The following OTUD4 variants were observed in gnomAD, a reference collection of about 807,000 sequenced individuals.
OTUD4 encodes OTU deubiquitinase 4.
In OTUD4, 24 loss-of-function variants were observed where a neutral mutation model predicts 130.4. The observed-to-expected ratio is 0.18, with a 90% CI of 0.13 to 0.26. The LOEUF is 0.26. Among genes scored for constraint, OTUD4 ranks in the 10% least tolerant of loss-of-function variants. The pLI is 1.00. For missense variants in OTUD4, 1,031 were observed against 1,329.4 expected (o/e 0.78, Z 3.49); for synonymous variants, 420 against 472.5 (o/e 0.89, Z 1.44).
intron 20 of OTUD4, among the ~76,000 whole-genome samples, chr4:145,139,425 A>G (rs919127009): frequency 6.6e-6 from 1 of 152,196 alleles, no homozygotes; most frequent in African/African-American, 2.4e-5. Context: ...AAGAAAAGCT[A>G]TTTCTAGGTT....
chr4:145,146,103 A>G (rs1296717160), intron 14 of OTUD4, 164 bp downstream of exon 14: 2 of 431,236 alleles, frequency 4.6e-6, no homozygotes, highest in Non-Finnish European at 7.9e-6. Flanking sequence ...AGATATTACT[A>G]AATATGTGAA....
intron 13 of OTUD4, among the ~76,000 whole-genome samples, chr4:145,147,116 T>C (rs1326108999): frequency 6.6e-6 from 1 of 152,172 alleles, no homozygotes; most frequent in East Asian, 1.9e-4. Context: ...TCAAAAGCAG[T>C]ATGAATACTA....
At chr4:145,142,165 G>C (rs1203628085) in intron 18 of OTUD4, 31 bp downstream of exon 18, 1 of 1,598,118 alleles carries the variant, frequency 6.3e-7, no homozygotes. Flanking sequence ...AGGTATTTTG[G>C]CTGGCTAGAT....
chr4:145,135,982 A>G lies in OTUD4; in HGVS notation c.*1448T>C, dbSNP rs919608526. The G allele has an allele frequency of 7.2e-5, 11 of 151,930 alleles. No homozygotes were observed. Among genetic ancestry groups the G allele is most frequent in the African/African-American group, 2.7e-4 (11 of 41,384 alleles). The allele number at this position is 151,930 out of a possible 1,614,324, so 9.4% of individuals were successfully genotyped here. ...TCTTAAGTAATTTGCTTTACAAAAA[A>G]AGAAAGTCACCGCATCTGGTTTTGG... On this transcript the variant is annotated 3_prime_UTR_variant, in exon 21 of 21. Coordinates refer to ENST00000447906, the MANE Select transcript of OTUD4 (RefSeq NM_001366057.1).
intron 10 of OTUD4, among the ~76,000 whole-genome samples, chr4:145,154,086 A>T (rs2126767315): frequency 6.6e-6 from 1 of 152,364 alleles, no homozygotes; most frequent in South Asian, 2.1e-4. Context: ...CCTCAAAGGA[A>T]ATATGCTTGA....
intron 13 of OTUD4, among the ~76,000 whole-genome samples, chr4:145,147,412 T>C (rs559018286): frequency 1.3e-5 from 2 of 152,240 alleles, no homozygotes; most frequent in Admixed American, 6.5e-5. Flanking sequence ...GACCAATCCT[T>C]CCCAAATCCC....
chr4:145,173,954 T>A (rs2126808761), intron 2 of OTUD4, among the ~76,000 whole-genome samples: 1 of 152,150 alleles, frequency 6.6e-6, no homozygotes, highest in East Asian at 1.9e-4. Flanking sequence ...CTGATAAAAT[T>A]AAGGGTTCAG....
intron 3 of OTUD4, among the ~76,000 whole-genome samples, chr4:145,170,473 C>A (rs1436992664): frequency 6.6e-6 from 1 of 152,240 alleles, no homozygotes; most frequent in Non-Finnish European, 1.5e-5. Context: ...TCAAATACAA[C>A]TCACTCTCCA....
In OTUD4 at chr4:145,179,899, C is replaced by T. The variant is rs756174811; in HGVS notation, c.75G>A (p.Met25Ile). Residue 25 changes from methionine to isoleucine, a missense_variant, in exon 1 of 21, where the codon ATG becomes ATA. Met to Ile is a conservative substitution (Grantham distance 10). Around this residue, in one of 3 missense-constraint regions of OTUD4, gnomAD observed 54 missense variants for 60.6 expected, o/e 0.89. Coordinates refer to ENST00000447906, the MANE Select transcript of OTUD4 (RefSeq NM_001366057.1). Reference sequence around the variant, plus strand: ...AGCCCAGTTTCCGCAGATAGGCGTCCATGGGCGTCGCGTCCTCGCGGGGCC... The same window carrying T: ...AGCCCAGTTTCCGCAGATAGGCGTCTATGGGCGTCGCGTCCTCGCGGGGCC... Reference protein sequence around the residue: ...GAGPREDATPMDAYLRKLGLY... With the variant: ...GAGPREDATPIDAYLRKLGLY... 2.0e-6 allele frequency: 3 copies of T among 1,529,310 alleles called. No homozygotes were observed. In the South Asian group the frequency reaches 3.6e-5, roughly 18 times the overall value. The allele number at this position is 1,529,310 out of a possible 1,614,324, so 94.7% of individuals were successfully genotyped here. A position where few individuals can be genotyped will look rare whatever the true frequency, so the allele number is the denominator to read the frequency against.
chr4:145,152,550 A>C lies in OTUD4; in HGVS notation c.959T>G (p.Leu320Arg), dbSNP rs1201344838. 3 of 1,584,836 alleles carry C rather than the reference A, an allele frequency of 1.9e-6. No homozygotes were observed. In the East Asian group the frequency reaches 6.7e-5, roughly 35 times the overall value. The change falls in exon 11 of 21, where the codon CTG becomes CGG. Residue 320 changes from leucine (L) to arginine (R), a missense_variant. Leu to Arg is a moderately radical substitution (Grantham distance 102). Coordinates refer to ENST00000447906, the MANE Select transcript of OTUD4 (RefSeq NM_001366057.1). ...SENGPVLVEE[L>R]GKKHTSKNLK... ...GAAGAGTAGTACATACTTCTTTCCC[A>C]GTTCTTCAACCAAAACTGGTCCATT...
Position 145,150,475 on chromosome 4 carries a change from C to G in OTUD4, c.1259+38G>C, listed in dbSNP as rs774950635. 6 of 1,440,664 alleles carry G rather than the reference C, an allele frequency of 4.2e-6. No individual in the cohort carries two copies. In the East Asian group the frequency reaches 1.4e-4, roughly 33 times the overall value. 89.2% of individuals were successfully genotyped at this position (1,440,664 alleles called of 1,614,324 possible). A position where few individuals can be genotyped will look rare whatever the true frequency, so the allele number is the denominator to read the frequency against. ...TGGCAAATATAACAAATGCCTCTTA[C>G]TTGATTTCTATACTTCTCTTACATT... On this transcript the variant is annotated intron_variant, in intron 13 of 20. Coordinates refer to ENST00000447906, the MANE Select transcript of OTUD4 (RefSeq NM_001366057.1).
intron 1 of OTUD4, among the ~76,000 whole-genome samples, chr4:145,175,514 C>T (rs1206606672): frequency 6.6e-6 from 1 of 151,954 alleles, no homozygotes; most frequent in African/African-American, 2.4e-5. Flanking sequence ...GGTCTTTTAC[C>T]AAAATTCTAA....
At chr4:145,144,618 T>C (rs972765235) in intron 14 of OTUD4, among the ~76,000 whole-genome samples, 184 bp from the exon 15 acceptor site, 6 of 152,178 alleles carry the variant, frequency 3.9e-5, no homozygotes, top group African/African-American at 7.2e-5. Flanking sequence ...CCTAGAATAA[T>C]AGTCTTATCG....
In OTUD4 at chr4:145,137,624, T is replaced by G; in HGVS notation, c.3151A>C (p.Lys1051Gln). The G allele has an allele frequency of 6.2e-7, 1 of 1,613,628 alleles. No individual in the cohort carries two copies. The highest frequency in any genetic ancestry group is 8.5e-7 in the Non-Finnish European group (1 of 1,179,816). ...GAATAGCCCCAATCACTTTTGTACT[T>G]CCTGCTTCCATAAGTTTGATTATAG... ...QFYNQTYGSRKYKSDWGYSGR... is the reference protein window; with the variant it reads ...QFYNQTYGSRQYKSDWGYSGR... The change falls in exon 21 of 21, where the codon AAG becomes CAG. Residue 1051 changes from lysine (K) to glutamine (Q), a missense_variant. This residue lies in a region of OTUD4 where 900 missense variants were observed against 1,095.9 expected (regional missense o/e 0.82). Coordinates refer to ENST00000447906, the MANE Select transcript of OTUD4 (RefSeq NM_001366057.1).
intron 7 of OTUD4, 145 bp from the exon 8 acceptor site, chr4:145,156,141 T>C (rs1333850493): frequency 1.2e-5 from 7 of 574,932 alleles, no homozygotes; most frequent in Non-Finnish European, 2.2e-5. Context: ...TTGGTACAAG[T>C]ATATCTATAT....
chr4:145,156,887 G>GT (rs1401306693), intron 7 of OTUD4, among the ~76,000 whole-genome samples: 1 of 152,200 alleles, frequency 6.6e-6, no homozygotes, highest in East Asian at 1.9e-4. Context: ...TTACACACAG[G>GT]TTTTTTGTTT....
At chr4:145,156,185 T>C (rs1312050617) in intron 7 of OTUD4, among the ~76,000 whole-genome samples, 189 bp from the exon 8 acceptor site, 1 of 152,232 alleles carries the variant, frequency 6.6e-6, no homozygotes, top group African/African-American at 2.4e-5. Context: ...TGTGTGTATA[T>C]AAGACAGAAG....
rs767041307 is a variant in OTUD4 at position 145,164,180 on chromosome 4, C to T, written c.388G>A (p.Val130Ile). The stretch of plus-strand genomic sequence containing the variant: ...TTTTCAGGAAAATTATTTTCTGTTA[C>T]TTGTGAAGGAGAAACATTTGGTTCC... ...YREPNVSPSQVTENNFPEKVL... is the reference protein window; with the variant it reads ...YREPNVSPSQITENNFPEKVL... Residue 130 changes from valine to isoleucine, a missense_variant, in exon 5 of 21, where the codon GTA (valine) becomes ATA (isoleucine). Coordinates refer to ENST00000447906, the MANE Select transcript of OTUD4 (RefSeq NM_001366057.1). 9.0e-6 allele frequency: 13 copies of T among 1,443,876 alleles called. No homozygotes were observed. In the East Asian group the frequency reaches 3.1e-4, roughly 34 times the overall value. The allele number at this position is 1,443,876 out of a possible 1,614,324, so 89.4% of individuals were successfully genotyped here. A position where few individuals can be genotyped will look rare whatever the true frequency, so the allele number is the denominator to read the frequency against.
At chr4:145,178,036 C>T (rs1333733427) in intron 1 of OTUD4, 1 of 152,212 alleles carries the variant, frequency 6.6e-6, no homozygotes, top group Non-Finnish European at 1.5e-5. Flanking sequence ...TTCAGCTAAG[C>T]TCATCAGACT....
Sources: allele counts gnomAD v4.1 joint callset (sites outside exome capture counted in the v4.1 genomes callset), GRCh38; gene constraint gnomAD v4.1.1; regional missense constraint gnomAD v4.1.1; transcripts MANE v1.5; gene names NCBI Gene and HGNC (gene_info 2026-07-23, HGNC 2026-07-21).